SNTB1: variants seen among roughly 807,000 people sequenced by gnomAD.
The protein encoded by SNTB1 is syntrophin beta 1.
SNTB1 carries 36 observed loss-of-function variants against 48.9 expected under a neutral mutation model. That is an observed-to-expected ratio of 0.74 (90% CI 0.56 to 0.97). The LOEUF is 0.97. SNTB1 is among the 50% of genes least tolerant of loss of function. SNTB1 has a pLI of 0.00. For synonymous variants in SNTB1, 299 were observed against 294.6 expected (o/e 1.01, Z -0.15); for missense variants, 786 against 703.4 (o/e 1.12, Z -1.33).
intron 4 of SNTB1, among the ~76,000 whole-genome samples, chr8:120,554,425 C>T (rs1815531288): frequency 6.6e-6 from 1 of 152,100 alleles, no homozygotes; most frequent in African/African-American, 2.4e-5. Flanking sequence ...ATCATCCAGA[C>T]GTAGGACAAT....
intron 1 of SNTB1, among the ~76,000 whole-genome samples, chr8:120,741,314 T>C (rs1362934227): frequency 6.6e-6 from 1 of 152,174 alleles, no homozygotes; most frequent in South Asian, 2.1e-4. Flanking sequence ...TGGTTAGAAG[T>C]ATAGTGTTTT....
intron 4 of SNTB1, chr8:120,570,670 C>T (rs1815827481): frequency 6.6e-6 from 1 of 152,408 alleles, no homozygotes; most frequent in African/African-American, 2.4e-5. Flanking sequence ...TAAGTGGTAA[C>T]TTGTGTCAAG....
chr8:120,809,970 T>A (rs1470186308), intron 1 of SNTB1, among the ~76,000 whole-genome samples: 1 of 152,164 alleles, frequency 6.6e-6, no homozygotes, highest in Non-Finnish European at 1.5e-5. Flanking sequence ...TACTTTAAAC[T>A]TTCTCAGTTT....
chr8:120,633,088 C>T lies in SNTB1; in HGVS notation c.789-437G>A, dbSNP rs76380206. Among the ~76,000 whole-genome samples, 762 of 152,290 alleles carry T rather than the reference C, an allele frequency of 5.0e-3. 2 individuals carry two copies. The highest frequency in any genetic ancestry group is 5.2e-3 in the Non-Finnish European group (353 of 68,026). ...AAATATATCTAGCCACATGCTTAAT[C>T]CTGCTGCTCAGTGTTAATCAATTAA... On this transcript the variant is annotated intron_variant, in intron 2 of 6. Transcript: ENST00000517992.
At chr8:120,571,478 GGTTTTTTTTTT>G (rs1587001070) in intron 4 of SNTB1, 234 of 243,728 alleles carry the variant, frequency 9.6e-4, no homozygotes, top group South Asian at 2.2e-3. Flanking sequence ...GACTATTGAG[GGTTTTTTTTTT>G]TTTTTTTTTT....
intron 3 of SNTB1, among the ~76,000 whole-genome samples, chr8:120,623,446 A>G (rs1816824118): frequency 2.0e-5 from 3 of 152,200 alleles, no homozygotes; most frequent in South Asian, 4.1e-4. Flanking sequence ...AAATTATTCA[A>G]AGAATCCAAT....
chr8:120,632,081 A>G (rs1467201989), intron 3 of SNTB1, among the ~76,000 whole-genome samples: 1 of 152,218 alleles, frequency 6.6e-6, no homozygotes, highest in Non-Finnish European at 1.5e-5. Flanking sequence ...TTTTTAAGCA[A>G]TAATTTTGAC....
intron 3 of SNTB1, among the ~76,000 whole-genome samples, chr8:120,603,099 AT>A (rs11365836): frequency 0.25 from 36,884 of 146,468 alleles, 4,691 homozygotes; most frequent in African/African-American, 0.33. Context: ...AAGTCTCTAG[AT>A]TTTTTTTTTT....
At chr8:120,600,461 C>A (rs984547481) in intron 3 of SNTB1, among the ~76,000 whole-genome samples, 1 of 152,196 alleles carries the variant, frequency 6.6e-6, no homozygotes, top group Non-Finnish European at 1.5e-5. Context: ...GTCCTGCTGA[C>A]AGAACATGGA....
At chr8:120,721,513 A>G (rs1286619097) in intron 1 of SNTB1, among the ~76,000 whole-genome samples, 1 of 152,232 alleles carries the variant, frequency 6.6e-6, no homozygotes, top group East Asian at 1.9e-4. Flanking sequence ...CTTCCAGTTA[A>G]AAATTGCTGC....
intron 1 of SNTB1, among the ~76,000 whole-genome samples, chr8:120,789,669 AC>A (rs1819990441): frequency 6.6e-6 from 1 of 151,864 alleles, no homozygotes; most frequent in Non-Finnish European, 1.5e-5. Flanking sequence ...ATAACCCCCG[AC>A]CTTGCTTGAA....
intron 3 of SNTB1, among the ~76,000 whole-genome samples, chr8:120,576,371 T>C (rs115050120): frequency 0.011 from 1,649 of 152,336 alleles, 39 homozygotes; most frequent in African/African-American, 0.038. Context: ...CTTTCTAGTC[T>C]TATTATTACT....
intron 5 of SNTB1, among the ~76,000 whole-genome samples, chr8:120,542,632 C>A (rs1032522006): frequency 6.6e-6 from 1 of 151,752 alleles, no homozygotes; most frequent in African/African-American, 2.4e-5. Flanking sequence ...CCAGCCTGGG[C>A]GACAGAGCAA....
At chr8:120,677,847 C>G (rs982937581) in intron 2 of SNTB1, among the ~76,000 whole-genome samples, 2 of 152,086 alleles carry the variant, frequency 1.3e-5, no homozygotes, top group African/African-American at 4.8e-5. Flanking sequence ...GTCTGAAAGT[C>G]AATTATCTTT....
chr8:120,787,559 A>T (rs1346338189), intron 1 of SNTB1, among the ~76,000 whole-genome samples: 1 of 152,166 alleles, frequency 6.6e-6, no homozygotes, highest in African/African-American at 2.4e-5. Context: ...ATTACTGGAA[A>T]TGAAAGACAT....
At chr8:120,576,328 T>A (rs1018173952) in intron 3 of SNTB1, among the ~76,000 whole-genome samples, 2 of 152,228 alleles carry the variant, frequency 1.3e-5, no homozygotes, top group Non-Finnish European at 2.9e-5. Flanking sequence ...AATTAGACAG[T>A]AAGCTAAATA....
At chr8:120,750,473 ATT>A (rs1308097360) in intron 1 of SNTB1, among the ~76,000 whole-genome samples, 6 of 152,154 alleles carry the variant, frequency 3.9e-5, no homozygotes, top group African/African-American at 1.2e-4. Flanking sequence ...AATTCTTATC[ATT>A]CATCAAAATC....
At chr8:120,685,761 T>G (rs1818020921) in intron 2 of SNTB1, among the ~76,000 whole-genome samples, 1 of 152,250 alleles carries the variant, frequency 6.6e-6, no homozygotes, top group Non-Finnish European at 1.5e-5. Context: ...GCATCTCTTT[T>G]GATTATACAT....
intron 2 of SNTB1, among the ~76,000 whole-genome samples, chr8:120,649,304 A>G (rs1817361254): frequency 1.4e-5 from 2 of 147,822 alleles, no homozygotes; most frequent in South Asian, 4.3e-4. Context: ...GGTTTTATCT[A>G]CTTTTGGTCT....
Sources: allele counts gnomAD v4.1 joint callset (sites outside exome capture counted in the v4.1 genomes callset), GRCh38; gene constraint gnomAD v4.1.1; transcripts MANE v1.5; gene names NCBI Gene and HGNC (gene_info 2026-07-23, HGNC 2026-07-21).